MACROD2: variants seen among roughly 807,000 people sequenced by gnomAD.
The protein encoded by MACROD2 is ADP-ribose glycohydrolase MACROD2.
A neutral mutation model predicts 70.4 loss-of-function variants in MACROD2; 36 were observed. The ratio of observed to expected loss-of-function variants is 0.51; its 90% CI spans 0.39 to 0.68. The LOEUF is 0.68. MACROD2 is among the 30% of genes least tolerant of loss of function. MACROD2 has a pLI of 0.00. For missense variants in MACROD2, 496 were observed against 538.4 expected (o/e 0.92, Z 0.78); for synonymous variants, 172 against 178.8 (o/e 0.96, Z 0.30).
At chr20:15,372,220 A>C (rs2045504092) in intron 6 of MACROD2, among the ~76,000 whole-genome samples, 1 of 152,226 alleles carries the variant, frequency 6.6e-6, no homozygotes, top group Non-Finnish European at 1.5e-5. Flanking sequence ...GAGTTGGACT[A>C]GACTGGAATG....
chr20:15,466,743 C>G (rs1424356537), intron 7 of MACROD2, among the ~76,000 whole-genome samples: 1 of 152,134 alleles, frequency 6.6e-6, no homozygotes, highest in East Asian at 1.9e-4. Flanking sequence ...TTTATTTAAA[C>G]TGATTATGTG....
At chr20:14,197,005 C>T (rs1192077230) in intron 3 of MACROD2, among the ~76,000 whole-genome samples, 1 of 152,204 alleles carries the variant, frequency 6.6e-6, no homozygotes, top group Non-Finnish European at 1.5e-5. Context: ...ACATGCTGTA[C>T]ACACGGCATA....
intron 8 of MACROD2, among the ~76,000 whole-genome samples, chr20:15,834,526 G>A (rs1679890564): frequency 6.6e-6 from 1 of 152,020 alleles, no homozygotes; most frequent in Admixed American, 6.6e-5. Context: ...CTCCCTTTGT[G>A]CTGCCATAGC....
In MACROD2 at chr20:14,077,848, C is replaced by T. The variant is rs143249132; in HGVS notation, c.164-7773C>T. On this transcript the variant is annotated intron_variant, in intron 2 of 17. Coordinates refer to ENST00000684519, the MANE Select transcript of MACROD2 (RefSeq NM_001351661.2). ...ATTTCTGTTAAAGCAACAAAGTTTT[C>T]TTGGAATATTGGTCTGTTCTTAGTA... Among the ~76,000 whole-genome samples the T allele has an allele frequency of 9.0e-5, 13 of 144,548 alleles. No homozygotes were observed. In the East Asian group the frequency reaches 2.2e-3, roughly 25 times the overall value. The allele number at this position is 144,548 out of a possible 152,430, so 94.8% of individuals were successfully genotyped here.
intron 3 of MACROD2, among the ~76,000 whole-genome samples, chr20:14,198,943 T>A (rs980941440): frequency 2.6e-5 from 4 of 152,186 alleles, no homozygotes; most frequent in African/African-American, 9.6e-5. Flanking sequence ...ATAATGCAAT[T>A]TAAATTTCTC....
chr20:15,564,171 G>C (rs948899408), intron 8 of MACROD2, among the ~76,000 whole-genome samples: 1 of 152,164 alleles, frequency 6.6e-6, no homozygotes. Context: ...TACTGTGAAA[G>C]TGAAGATAAC....
intron 5 of MACROD2, among the ~76,000 whole-genome samples, chr20:15,097,171 T>C (rs968494132): frequency 2.0e-5 from 3 of 152,162 alleles, no homozygotes; most frequent in Admixed American, 2.0e-4. Context: ...AAAAATTACC[T>C]CAATATTTGA....
intron 5 of MACROD2, chr20:14,905,506 A>G (rs1050801063): frequency 2.6e-5 from 4 of 152,134 alleles, no homozygotes; most frequent in African/African-American, 9.7e-5. Flanking sequence ...GCAGAATGAC[A>G]TCTATGCCCT....
chr20:15,853,362 G>A (rs1461418530), intron 8 of MACROD2, among the ~76,000 whole-genome samples: 1 of 152,120 alleles, frequency 6.6e-6, no homozygotes, highest in Non-Finnish European at 1.5e-5. Context: ...CTAAGTCATG[G>A]TGTACACAGA....
chr20:15,540,094 A>T (rs1016845719), intron 8 of MACROD2, among the ~76,000 whole-genome samples: 1 of 152,216 alleles, frequency 6.6e-6, no homozygotes, highest in Non-Finnish European at 1.5e-5. Flanking sequence ...TTGGGCATAG[A>T]GAAGAGTAGG....
Position 15,023,760 on chromosome 20 carries a change from C to T in MACROD2, c.419-206180C>T, listed in dbSNP as rs777921770. On this transcript the variant is annotated intron_variant, in intron 5 of 17. Coordinates refer to ENST00000684519, the MANE Select transcript of MACROD2 (RefSeq NM_001351661.2). Reference sequence around the variant, plus strand: ...ATGATTCAATTACTTCCCATAGATTCGCTCCTATGACGTGGGAATTCTGGG... The same window carrying T: ...ATGATTCAATTACTTCCCATAGATTTGCTCCTATGACGTGGGAATTCTGGG... 4.8e-4 allele frequency among the ~76,000 whole-genome samples: 73 copies of T among 152,164 alleles called. 1 individual carries two copies. The highest frequency in any genetic ancestry group is 1.6e-3 in the African/African-American group (68 of 41,532).
chr20:14,399,272 C>T (rs1264742528), intron 3 of MACROD2, among the ~76,000 whole-genome samples: 2 of 152,050 alleles, frequency 1.3e-5, no homozygotes, highest in African/African-American at 4.8e-5. Flanking sequence ...CCATTTGCCT[C>T]GGCTTCCCAA....
At chr20:14,959,580 G>A (rs1039162507) in intron 5 of MACROD2, among the ~76,000 whole-genome samples, 6 of 151,780 alleles carry the variant, frequency 4.0e-5, no homozygotes, top group Non-Finnish European at 7.4e-5. Flanking sequence ...GGAACACAAG[G>A]GGATAACATG....
At chr20:14,510,560 A>G (rs995682918) in intron 4 of MACROD2, among the ~76,000 whole-genome samples, 2 of 152,234 alleles carry the variant, frequency 1.3e-5, no homozygotes, top group African/African-American at 4.8e-5. Flanking sequence ...GATGGAAATG[A>G]TAGAATGATG....
intron 5 of MACROD2, among the ~76,000 whole-genome samples, chr20:14,790,583 G>T (rs554324606): frequency 6.6e-6 from 1 of 152,078 alleles, no homozygotes; most frequent in Non-Finnish European, 1.5e-5. Flanking sequence ...GATTAATTAA[G>T]GGGCTGTGAA....
Position 14,639,883 on chromosome 20 carries a change from A to T in MACROD2, c.302-44960A>T, listed in dbSNP as rs1430436579. On this transcript the variant is annotated intron_variant, in intron 4 of 17. Transcript: ENST00000684519. The stretch of plus-strand genomic sequence containing the variant: ...AACACTTTTTTTACAAGCTCAGGGT[A>T]GGGGATATTTTTTGTCACTCCCTCA... Among the ~76,000 whole-genome samples the T allele has an allele frequency of 2.0e-5, 3 of 152,160 alleles. No individual in the cohort carries two copies. The East Asian group carries it at 5.8e-4, about 29-fold the overall frequency.
intron 3 of MACROD2, among the ~76,000 whole-genome samples, chr20:14,448,451 C>T (rs1339228490): frequency 6.6e-6 from 1 of 151,702 alleles, no homozygotes; most frequent in Non-Finnish European, 1.5e-5. Context: ...CCGAGGTGGG[C>T]AGATCACTTG....
In MACROD2 at chr20:15,499,864, A is replaced by G; in HGVS notation, c.645+17A>G. ...CACCATGAGGTAGGAGGAACGACAT[A>G]ATCAGTGAACATCCAAGATGATGTA... On this transcript the variant is annotated intron_variant, in intron 8 of 17. Transcript: ENST00000684519. 1 of 1,609,226 alleles carries G rather than the reference A, an allele frequency of 6.2e-7. No homozygotes were observed. The highest frequency in any genetic ancestry group is 2.2e-5 in the East Asian group (1 of 44,828).
At chr20:15,564,732 A>G (rs1253114134) in intron 8 of MACROD2, among the ~76,000 whole-genome samples, 1 of 152,200 alleles carries the variant, frequency 6.6e-6, no homozygotes, top group Non-Finnish European at 1.5e-5. Flanking sequence ...GAAGGCTGGT[A>G]ATATGTTTAC....
Sources: gnomAD v4.1 joint callset for allele counts (sites outside exome capture counted in the v4.1 genomes callset) on GRCh38, gnomAD v4.1.1 for gene constraint, MANE v1.5 for transcripts, NCBI Gene and HGNC (gene_info 2026-07-23, HGNC 2026-07-21) for gene names.